Variants in FAM98C observed in about 807,000 individuals in gnomAD.
The protein encoded by FAM98C is tRNA splicing ligase complex subunit 3C.
FAM98C carries 38 observed loss-of-function variants against 41.1 expected under a neutral mutation model. The observed-to-expected ratio is 0.92, with a 90% CI of 0.71 to 1.21. FAM98C has a LOEUF of 1.21. FAM98C is among the 50% of genes most tolerant of loss of function. The pLI, the probability that FAM98C is intolerant of heterozygous loss-of-function variation, is 0.00. For synonymous variants in FAM98C, 195 were observed against 216.7 expected, an observed-to-expected ratio of 0.90 and a Z score of 0.88; for missense variants, 493 against 484.7, an observed-to-expected ratio of 1.02 and a Z score of -0.16.
chr19:38,406,733 C>A, intron 6 of FAM98C, 177 bp from the exon 7 acceptor site: 1 of 623,974 alleles, frequency 1.6e-6, no homozygotes, highest in Non-Finnish European at 2.7e-6. Flanking sequence ...TGCAGTGAGC[C>A]ACCATCACGC....
Position 38,407,011 on chromosome 19 carries a change from C to G in FAM98C, c.852C>G (p.Asp284Glu), listed in dbSNP as rs1244612238. 8.7e-6 allele frequency: 14 copies of G among 1,614,082 alleles called. No homozygotes were observed. Among genetic ancestry groups the G allele is most frequent in the African/African-American group, 1.3e-5 (1 of 74,930 alleles). The change falls in exon 7 of 8, where the codon GAC becomes GAG. Residue 284 changes from aspartate (D) to glutamate (E), a missense_variant. Transcript: ENST00000252530. ...CACACGTTCTGGCTGCCCGAGCCGA[C>G]CTGTCTTGTCTCGTCCCAGCCACCA... is the stretch of plus-strand genomic sequence containing the variant. ...SIAHVLAARA[D>E]LSCLVPATSV...
rs753863576 is a variant in FAM98C, at chr19:38,405,374, G to A, written c.586G>A (p.Gly196Arg). 5 of 1,614,032 alleles carry A rather than the reference G, an allele frequency of 3.1e-6. No homozygotes were observed. The highest frequency in any genetic ancestry group is 1.7e-5 in the Admixed American group (1 of 60,012). The change falls in exon 5 of 8, where the codon GGG becomes AGG. Residue 196 changes from glycine to arginine, a missense_variant. Gly to Arg is a moderately radical substitution (Grantham distance 125). Coordinates refer to ENST00000252530, the MANE Select transcript of FAM98C (RefSeq NM_174905.4). ...ISELQPSLPP[G>R]SLQPLLSCSL... ...AGAGCTGCAGCCTTCTCTGCCCCCA[G>A]GGTCCCTGCAGCCCCTCCTCAGCTG... is the stretch of plus-strand genomic sequence containing the variant.
chr19:38,405,688 G>T, intron 6 of FAM98C, 53 bp downstream of exon 6: 1 of 1,547,264 alleles, frequency 6.5e-7, no homozygotes, highest in Non-Finnish European at 8.9e-7. Context: ...TGTGGGGGCT[G>T]CAGTTGCAGG....
intron 3 of FAM98C, among the ~76,000 whole-genome samples, chr19:38,404,005 A>C (rs1036422190): frequency 1.3e-5 from 2 of 151,986 alleles, no homozygotes; most frequent in African/African-American, 2.4e-5. Context: ...GGTTCAAGTG[A>C]TTCTCTTGCC....
chr19:38,404,380 A>T (rs1239973332), intron 3 of FAM98C, among the ~76,000 whole-genome samples: 1 of 151,328 alleles, frequency 6.6e-6, no homozygotes, highest in Non-Finnish European at 1.5e-5. Flanking sequence ...TTTTGTTTTT[A>T]AGTGGAGGTG....
At position 38,405,053 on chromosome 19, in the gene FAM98C, G is replaced by A. The variant is rs1971019075; in HGVS notation, c.495G>A (p.Gly165=). Reference sequence around the variant, plus strand: ...TGGACCTTACCCTCCAAGCCCTGGGGCTGCCCAGACCTGCACCAGGGACCC... The same window carrying A: ...TGGACCTTACCCTCCAAGCCCTGGGACTGCCCAGACCTGCACCAGGGACCC... The part of the protein sequence containing the change: ...QELDLTLQAL[G]LPRPAPGTPA... The change falls in exon 4 of 8, where the codon GGG becomes GGA. Residue 165 remains glycine (G), a synonymous_variant. Coordinates refer to ENST00000252530, the MANE Select transcript of FAM98C (RefSeq NM_174905.4). 6.2e-7 allele frequency: 1 copy of A among 1,614,044 alleles called. No homozygotes were observed. Among genetic ancestry groups the A allele is most frequent in the South Asian group, 1.1e-5 (1 of 91,082 alleles).
rs565213286 is a variant in FAM98C at position 38,408,761 on chromosome 19, G to A, written c.929G>A (p.Gly310Asp). The change falls in exon 8 of 8, where the codon GGC becomes GAC. Residue 310 changes from glycine (G) to aspartate (D), a missense_variant. Transcript: ENST00000252530. The part of the protein sequence containing the change: ...TCCAINKVLM[G>D]NVPDRGGRPN... ...CTCATAAACTCTCAGGTGCTTATGG[G>A]CAACGTTCCAGACCGGGGGGGCCGC... 1 of 1,614,042 alleles carries A rather than the reference G, an allele frequency of 6.2e-7. No individual in the cohort carries two copies. The highest frequency in any genetic ancestry group is 1.1e-5 in the South Asian group (1 of 91,070).
chr19:38,405,484 G>T (rs760803944), intron 5 of FAM98C, 35 bp from the exon 6 acceptor site: 2 of 1,613,814 alleles, frequency 1.2e-6, no homozygotes, highest in African/African-American at 2.7e-5. Flanking sequence ...CAGTGAGAGG[G>T]ACCCCTAGCC....
chr19:38,403,722 G>A (rs970258724), intron 3 of FAM98C, 28 bp downstream of exon 3: 17 of 1,390,022 alleles, frequency 1.2e-5, no homozygotes, highest in African/African-American at 1.5e-5. Flanking sequence ...GAAGTGGCAA[G>A]GCCATGGCCT....
At chr19:38,405,262 T>C in intron 4 of FAM98C, 82 bp from the exon 5 acceptor site, 2 of 1,537,774 alleles carry the variant, frequency 1.3e-6, no homozygotes, top group Non-Finnish European at 8.9e-7. Context: ...GTGGCCTAGG[T>C]CCTCAGGGGT....
At chr19:38,407,160 G>C in intron 7 of FAM98C, 83 bp downstream of exon 7, 1 of 1,516,058 alleles carries the variant, frequency 6.6e-7, no homozygotes, top group African/African-American at 1.4e-5. Flanking sequence ...CCAAGTTTCA[G>C]ACTTACCACC....
intron 6 of FAM98C, chr19:38,406,602 C>T (rs1167301983): frequency 1.2e-5 from 3 of 256,288 alleles, no homozygotes; most frequent in Non-Finnish European, 2.3e-5. Flanking sequence ...ATAGCAAGAC[C>T]CCCGTCTCTA....
chr19:38,405,655 A>G lies in FAM98C; in HGVS notation c.750+20A>G, dbSNP rs3745963. On this transcript the variant is annotated intron_variant, in intron 6 of 7. Coordinates refer to ENST00000252530, the MANE Select transcript of FAM98C (RefSeq NM_174905.4). ...GCAGAGGTGTGGTGGGCAGGGGACC[A>G]TGCAGAATTGGAGAGGCCCAGTTGT... 0.034 allele frequency: 55,320 copies of G among 1,612,678 alleles called. 1,032 individuals are homozygous for G. The highest frequency in any genetic ancestry group is 0.056 in the African/African-American group (4,215 of 74,964).
chr19:38,405,285 G>A (rs1301740663), intron 4 of FAM98C, 59 bp from the exon 5 acceptor site: 1 of 1,588,374 alleles, frequency 6.3e-7, no homozygotes, highest in Non-Finnish European at 8.6e-7. Context: ...GGGGAGCTGA[G>A]TTTACAGAGG....
chr19:38,405,667 A>G (rs778310972), intron 6 of FAM98C, 32 bp downstream of exon 6: 5 of 1,606,378 alleles, frequency 3.1e-6, no homozygotes, highest in Non-Finnish European at 4.3e-6. Context: ...GCAGAATTGG[A>G]GAGGCCCAGT....
intron 3 of FAM98C, 108 bp downstream of exon 3, chr19:38,403,802 C>A: frequency 7.7e-7 from 1 of 1,297,200 alleles, no homozygotes; most frequent in Non-Finnish European, 9.8e-7. Context: ...AACTTTGGGG[C>A]GGCCCAGAGG....
Position 38,404,949 on chromosome 19 carries a change from C to T in FAM98C, c.391C>T (p.Leu131Phe), listed in dbSNP as rs1387449474. 1.2e-6 allele frequency: 2 copies of T among 1,614,164 alleles called. No individual in the cohort carries two copies. The highest frequency in any genetic ancestry group is 1.1e-5 in the South Asian group (1 of 91,090). ...SELQATRLLC[L>F]RSLLDPSPRP... ...GCTCCAAGCCACCCGCCTCCTGTGC[C>T]TCCGCTCTCTGCTGGATCCGAGTCC... Residue 131 changes from leucine (L) to phenylalanine (F), a missense_variant, in exon 4 of 8, where the codon CTC (leucine) becomes TTC (phenylalanine). By Grantham distance (22) the Leu-to-Phe change is conservative. Coordinates refer to ENST00000252530, the MANE Select transcript of FAM98C (RefSeq NM_174905.4).
intron 6 of FAM98C, chr19:38,406,106 T>C (rs60780508): frequency 0.052 from 8,270 of 159,116 alleles, 337 homozygotes; most frequent in African/African-American, 0.11. Context: ...CTGCCTGTCT[T>C]GGCCTCCCAA....
In FAM98C at chr19:38,405,435, C is replaced by T. The variant is rs73044953; in HGVS notation, c.633+14C>T. The stretch of plus-strand genomic sequence containing the variant: ...GCACCCAGATGGGTAAGACTGTGTG[C>T]GACTGACTGAATGTGAACTGTGTCC... On this transcript the variant is annotated intron_variant, in intron 5 of 7. Transcript: ENST00000252530. 0.032 allele frequency: 52,430 copies of T among 1,613,938 alleles called. 970 individuals carry two copies. The highest frequency in any genetic ancestry group is 0.056 in the African/African-American group (4,221 of 75,018).
Sources: gnomAD v4.1 joint callset for allele counts (sites outside exome capture counted in the v4.1 genomes callset) on GRCh38, gnomAD v4.1.1 for gene constraint, MANE v1.5 for transcripts, NCBI Gene and HGNC (gene_info 2026-07-23, HGNC 2026-07-21) for gene names.